The following TRPM3 variants were observed in gnomAD, a reference collection of about 807,000 sequenced individuals.
The protein encoded by TRPM3 is transient receptor potential cation channel subfamily M member 3.
Under a neutral mutation model 181.2 loss-of-function variants are expected in TRPM3, and 77 were observed. The ratio of observed to expected loss-of-function variants is 0.42; its 90% CI spans 0.35 to 0.51. The LOEUF is 0.51. Among genes scored for constraint, TRPM3 ranks in the 20% least tolerant of loss-of-function variants. The probability of loss-of-function intolerance (pLI) is 0.01; values close to 1 mark genes in which losing one functional copy is unlikely to be tolerated. For synonymous variants in TRPM3, 745 were observed against 796.4 expected, an observed-to-expected ratio of 0.94 and a Z score of 1.09; for missense variants, 1,759 against 2,196.7, an observed-to-expected ratio of 0.80 and a Z score of 3.98.
chr9:71,372,588 A>T (rs1288808658), intron 1 of TRPM3, among the ~76,000 whole-genome samples: 2 of 152,088 alleles, frequency 1.3e-5, no homozygotes, highest in Non-Finnish European at 2.9e-5. Flanking sequence ...TTTAATTTGC[A>T]TTTCTGTAAT....
At chr9:70,927,954 T>C (rs2096737717) in intron 1 of TRPM3, among the ~76,000 whole-genome samples, 1 of 152,200 alleles carries the variant, frequency 6.6e-6, no homozygotes, top group Admixed American at 6.5e-5. Flanking sequence ...TCCTAAGACA[T>C]GTCTTATTTC....
intron 1 of TRPM3, among the ~76,000 whole-genome samples, chr9:71,345,506 C>T (rs754425043): frequency 2.0e-5 from 3 of 151,924 alleles, no homozygotes; most frequent in Non-Finnish European, 2.9e-5. Context: ...AACCAAACAC[C>T]GCATATTCTC....
intron 1 of TRPM3, among the ~76,000 whole-genome samples, chr9:71,149,963 G>C (rs2075642146): frequency 6.6e-6 from 1 of 152,024 alleles, no homozygotes; most frequent in Non-Finnish European, 1.5e-5. Flanking sequence ...AACAGAGTAA[G>C]ATCCTGTCTC....
chr9:70,882,745 C>T (rs1388684107), intron 1 of TRPM3, among the ~76,000 whole-genome samples: 2 of 152,074 alleles, frequency 1.3e-5, no homozygotes, highest in Admixed American at 1.3e-4. Flanking sequence ...CTCCTGGTGT[C>T]TCCCTACTTT....
chr9:71,175,730 G>A (rs1046745224), intron 1 of TRPM3, among the ~76,000 whole-genome samples: 4 of 152,186 alleles, frequency 2.6e-5, no homozygotes, highest in Non-Finnish European at 5.9e-5. Flanking sequence ...CATTAAATGA[G>A]AAAGGACATG....
chr9:70,885,214 T>C (rs755237453), intron 1 of TRPM3, among the ~76,000 whole-genome samples: 11 of 152,322 alleles, frequency 7.2e-5, no homozygotes, highest in Middle Eastern at 3.4e-3. Flanking sequence ...CTCGGTATTA[T>C]TGACATTGGG....
chr9:71,267,382 C>T (rs1232525392), intron 1 of TRPM3, among the ~76,000 whole-genome samples: 1 of 152,208 alleles, frequency 6.6e-6, no homozygotes, highest in Non-Finnish European at 1.5e-5. Context: ...TCATTCATCA[C>T]TGTGGCTCTG....
chr9:71,159,359 C>T (rs1490884375), intron 1 of TRPM3, among the ~76,000 whole-genome samples: 1 of 152,052 alleles, frequency 6.6e-6, no homozygotes, highest in Non-Finnish European at 1.5e-5. Flanking sequence ...ACATATGCTT[C>T]TGTGTATCCC....
At chr9:71,443,494 C>T (rs1270234207) in intron 1 of TRPM3, among the ~76,000 whole-genome samples, 1 of 152,196 alleles carries the variant, frequency 6.6e-6, no homozygotes, top group African/African-American at 2.4e-5. Flanking sequence ...CTGCTTCTGC[C>T]TGTCACCAGA....
chr9:71,195,899 C>A (rs1042878328), intron 1 of TRPM3, among the ~76,000 whole-genome samples: 8 of 151,866 alleles, frequency 5.3e-5, no homozygotes, highest in Non-Finnish European at 1.0e-4. Flanking sequence ...TAAGTGGGAG[C>A]TAAATTATTA....
In TRPM3 at chr9:71,142,339, A is replaced by C. The variant is rs1390027189; in HGVS notation, c.184-277828T>G. 3.9e-5 allele frequency among the ~76,000 whole-genome samples: 6 copies of C among 152,194 alleles called. No individual in the cohort carries two copies. In the East Asian group the frequency reaches 1.2e-3, roughly 29 times the overall value. On this transcript the variant is annotated intron_variant, in intron 1 of 24. Transcript: ENST00000357533. ...GAGTTACCTTCAAAACAAACCCTAA[A>C]GCAAGAGTTTGAGTGCAAATAGCTC...
At chr9:71,096,624 TCC>T (rs1565186939) in intron 1 of TRPM3, among the ~76,000 whole-genome samples, 1 of 142,318 alleles carries the variant, frequency 7.0e-6, no homozygotes, top group African/African-American at 2.6e-5. Flanking sequence ...TCTCTCTCTC[TCC>T]CCCTCTCCCT....
At chr9:71,331,975 GA>G (rs1158772527) in intron 1 of TRPM3, among the ~76,000 whole-genome samples, 1 of 146,382 alleles carries the variant, frequency 6.8e-6, no homozygotes, top group Non-Finnish European at 1.5e-5. Flanking sequence ...AGGAGGAGGA[GA>G]AGGAGGAGGG....
intron 1 of TRPM3, among the ~76,000 whole-genome samples, chr9:70,926,236 A>C (rs1280691697): frequency 6.6e-6 from 1 of 152,140 alleles, no homozygotes; most frequent in Admixed American, 6.5e-5. Flanking sequence ...CTGAGCTTGG[A>C]GGCTTGTGTG....
intron 8 of TRPM3, among the ~76,000 whole-genome samples, chr9:70,700,179 C>T (rs550796690): frequency 6.6e-6 from 1 of 152,126 alleles, no homozygotes; most frequent in Non-Finnish European, 1.5e-5. Context: ...GAAGGGCTTT[C>T]ACTATGTTGG....
At chr9:71,413,443 G>C (rs990955271) in intron 1 of TRPM3, among the ~76,000 whole-genome samples, 3 of 151,988 alleles carry the variant, frequency 2.0e-5, no homozygotes, top group Admixed American at 6.6e-5. Flanking sequence ...CATAAGATTA[G>C]TAACTAATGG....
intron 1 of TRPM3, among the ~76,000 whole-genome samples, chr9:71,445,676 A>C (rs2094194059): frequency 6.6e-6 from 1 of 152,204 alleles, no homozygotes; most frequent in Non-Finnish European, 1.5e-5. Context: ...GGGTAACATT[A>C]ATCACGCTGT....
At chr9:70,884,375 G>A (rs1346763636) in intron 1 of TRPM3, among the ~76,000 whole-genome samples, 1 of 152,194 alleles carries the variant, frequency 6.6e-6, no homozygotes, top group East Asian at 1.9e-4. Flanking sequence ...TAAGGCAAAT[G>A]TCTGATTTCA....
intron 1 of TRPM3, among the ~76,000 whole-genome samples, chr9:71,285,359 T>C (rs1247884374): frequency 6.6e-6 from 1 of 152,250 alleles, no homozygotes; most frequent in Non-Finnish European, 1.5e-5. Flanking sequence ...TGTAAAGAGA[T>C]GGCCTTTGCC....
Sources: allele counts gnomAD v4.1 joint callset (sites outside exome capture counted in the v4.1 genomes callset), GRCh38; gene constraint gnomAD v4.1.1; transcripts MANE v1.5; gene names NCBI Gene and HGNC (gene_info 2026-07-23, HGNC 2026-07-21).